The following ACAP2 variants were observed in gnomAD, a reference collection of about 807,000 sequenced individuals.
ACAP2 encodes the protein ArfGAP with coiled-coil, ankyrin repeat and PH domains 2, also known as arf-GAP with coiled-coil, ANK repeat and PH domain-containing protein 2.
ACAP2 carries 39 observed loss-of-function variants against 115.8 expected under a neutral mutation model. The ratio of observed to expected loss-of-function variants is 0.34; its 90% CI spans 0.26 to 0.44. The LOEUF (loss-of-function observed/expected upper bound fraction) is 0.44, where lower values mean the gene tolerates loss of function less well. Among genes scored for constraint, ACAP2 ranks in the 20% least tolerant of loss-of-function variants. ACAP2 has a pLI of 1.00. For missense variants in ACAP2, 662 were observed against 927.6 expected, an observed-to-expected ratio of 0.71 and a Z score of 3.72; for synonymous variants, 289 against 315.8, an observed-to-expected ratio of 0.92 and a Z score of 0.90.
intron 22 of ACAP2, chr3:195,285,499 T>C (rs1228671230): frequency 3.3e-6 from 1 of 303,506 alleles, no homozygotes; most frequent in Non-Finnish European, 6.0e-6. Context: ...CTGGAATGTA[T>C]ATGGAAGACA....
intron 1 of ACAP2, among the ~76,000 whole-genome samples, chr3:195,418,472 A>AG (rs1272329529): frequency 1.3e-5 from 2 of 152,164 alleles, no homozygotes; most frequent in Non-Finnish European, 2.9e-5. Flanking sequence ...TTGCCAGGGC[A>AG]GGGGTGCGGT....
chr3:195,292,692 G>A (rs112487194), intron 18 of ACAP2, among the ~76,000 whole-genome samples: 3 of 151,806 alleles, frequency 2.0e-5, no homozygotes, highest in Non-Finnish European at 2.9e-5. Context: ...GAGGCCGAGG[G>A]GGGTGGATCA....
At chr3:195,420,638 C>T (rs1224620522) in intron 1 of ACAP2, among the ~76,000 whole-genome samples, 1 of 150,126 alleles carries the variant, frequency 6.7e-6, no homozygotes, top group Non-Finnish European at 1.5e-5. Flanking sequence ...CCACTGCGCC[C>T]GGCCTGCAAT....
chr3:195,420,384 T>C (rs1406291601), intron 1 of ACAP2, among the ~76,000 whole-genome samples: 1 of 152,212 alleles, frequency 6.6e-6, no homozygotes, highest in Non-Finnish European at 1.5e-5. Context: ...AGTCTCACTC[T>C]GTCTCCCAGG....
chr3:195,354,396 C>T (rs1178046317), intron 4 of ACAP2, among the ~76,000 whole-genome samples: 1 of 152,148 alleles, frequency 6.6e-6, no homozygotes, highest in African/African-American at 2.4e-5. Flanking sequence ...GATGGTATAT[C>T]TCATTGTGGT....
chr3:195,398,412 A>G (rs530557071), intron 1 of ACAP2, among the ~76,000 whole-genome samples: 11 of 152,152 alleles, frequency 7.2e-5, no homozygotes, highest in Non-Finnish European at 1.3e-4. Context: ...TGGGAGGCCA[A>G]GGCAGGTAGA....
intron 19 of ACAP2, 82 bp downstream of exon 19, chr3:195,292,183 A>G: frequency 6.9e-7 from 1 of 1,448,442 alleles, no homozygotes; most frequent in Non-Finnish European, 9.2e-7. Context: ...AGCAAAGACA[A>G]TACTAAAGCC....
chr3:195,316,729 A>G (rs900626397), intron 10 of ACAP2, among the ~76,000 whole-genome samples: 8 of 152,144 alleles, frequency 5.3e-5, no homozygotes, highest in African/African-American at 1.7e-4. Context: ...CTCTAAACTC[A>G]GGTTTAACAT....
chr3:195,292,434 G>T lies in ACAP2; in HGVS notation c.1784C>A (p.Ser595Tyr), dbSNP rs779657743. Residue 595 changes from serine (S) to tyrosine (Y), a missense_variant, in exon 19 of 23, where the codon TCT becomes TAT. This residue lies in a region of ACAP2 where 133 missense variants were observed against 123.1 expected (regional missense o/e 1.08). Coordinates refer to ENST00000326793, the MANE Select transcript of ACAP2 (RefSeq NM_012287.6). The part of the protein sequence containing the change: ...LYEPEGERQD[S>Y]SMFLDSKHLN... Reference sequence around the variant, plus strand: ...ATGTTTCGAGTCAAGAAACATAGAAGAATCTTGCCTTTCTCCTTCTGAAAA... The same window carrying T: ...ATGTTTCGAGTCAAGAAACATAGAATAATCTTGCCTTTCTCCTTCTGAAAA... 6 of 1,605,780 alleles carry T rather than the reference G, an allele frequency of 3.7e-6. No individual in the cohort carries two copies. The Admixed American group carries it at 8.7e-5, about 23-fold the overall frequency.
chr3:195,326,367 AAAGT>A (rs1729793487), intron 9 of ACAP2: 1 of 152,264 alleles, frequency 6.6e-6, no homozygotes, highest in South Asian at 2.1e-4. Flanking sequence ...AAATATTTTC[AAAGT>A]AAGTTTAGCT....
intron 1 of ACAP2, among the ~76,000 whole-genome samples, chr3:195,422,739 C>G (rs948073185): frequency 6.6e-6 from 1 of 152,118 alleles, no homozygotes; most frequent in African/African-American, 2.4e-5. Flanking sequence ...TGTCACATCT[C>G]TTTAAGAGCT....
At chr3:195,320,643 G>A (rs1318951696) in intron 10 of ACAP2, 58 bp downstream of exon 10, 15 of 1,250,986 alleles carry the variant, frequency 1.2e-5, no homozygotes, top group Non-Finnish European at 1.5e-5. Context: ...CAAATCACAG[G>A]GAAAGTCAGA....
At chr3:195,281,380 G>T in intron 22 of ACAP2, among the ~76,000 whole-genome samples, 1 of 152,006 alleles carries the variant, frequency 6.6e-6, no homozygotes, top group South Asian at 2.1e-4. Context: ...ACTCCAGCCT[G>T]GGCAACAGAG....
At chr3:195,401,898 CT>C (rs1389453345) in intron 1 of ACAP2, among the ~76,000 whole-genome samples, 1 of 152,078 alleles carries the variant, frequency 6.6e-6, no homozygotes, top group Non-Finnish European at 1.5e-5. Flanking sequence ...AAAGAGGAAG[CT>C]GAATACAAAT....
Position 195,279,151 on chromosome 3 carries a change from C to T in ACAP2, c.*177G>A. 2.1e-6 allele frequency: 1 copy of T among 475,574 alleles called. No homozygotes were observed. The highest frequency in any genetic ancestry group is 3.7e-6 in the Non-Finnish European group (1 of 273,280). 29.5% of individuals were successfully genotyped at this position (475,574 alleles called of 1,614,324 possible). A position where few individuals can be genotyped will look rare whatever the true frequency, so the allele number is the denominator to read the frequency against. On this transcript the variant is annotated 3_prime_UTR_variant, in exon 23 of 23. Transcript: ENST00000326793. ...AAAAGAGGTCCTAAACTAGGTTCCT[C>T]TCCTACTACTAGATAACTATGTTTT...
At chr3:195,397,010 G>A (rs1419403568) in intron 1 of ACAP2, among the ~76,000 whole-genome samples, 1 of 151,898 alleles carries the variant, frequency 6.6e-6, no homozygotes, top group Non-Finnish European at 1.5e-5. Context: ...TCATTAATAG[G>A]CACATAAATA....
chr3:195,398,463 G>A (rs1467593247), intron 1 of ACAP2, among the ~76,000 whole-genome samples: 1 of 151,720 alleles, frequency 6.6e-6, no homozygotes, highest in Non-Finnish European at 1.5e-5. Context: ...TGATCAACAT[G>A]GTGAAACCCT....
chr3:195,312,503 G>A (rs2109003919), intron 10 of ACAP2, among the ~76,000 whole-genome samples: 1 of 152,014 alleles, frequency 6.6e-6, no homozygotes, highest in East Asian at 1.9e-4. Context: ...GCCTCACTCT[G>A]TCACTCAGCC....
In ACAP2 at chr3:195,413,299, A is replaced by AT. The variant is rs1713439820; in HGVS notation, c.54-21153dup. On this transcript the variant is annotated intron_variant, in intron 1 of 22. Coordinates refer to ENST00000326793, the MANE Select transcript of ACAP2 (RefSeq NM_012287.6). ...CAACAGACAAAACTGTCTCACATTT[A>AT]TTTTAAAGTAAATATTGCTTAAGGC... Among the ~76,000 whole-genome samples the AT allele has an allele frequency of 4.6e-5, 7 of 152,320 alleles. No homozygotes were observed. The South Asian group carries it at 1.4e-3, about 32-fold the overall frequency.
Sources: allele counts gnomAD v4.1 joint callset (sites outside exome capture counted in the v4.1 genomes callset), GRCh38; gene constraint gnomAD v4.1.1; regional missense constraint gnomAD v4.1.1; transcripts MANE v1.5; gene names NCBI Gene and HGNC (gene_info 2026-07-23, HGNC 2026-07-21).